The following LRRIQ3 variants were observed in gnomAD, a reference collection of about 807,000 sequenced individuals.
LRRIQ3 encodes the protein leucine-rich repeat and IQ domain-containing protein 3.
In LRRIQ3, 75 loss-of-function variants were observed where a neutral mutation model predicts 59.3. The ratio of observed to expected loss-of-function variants is 1.26; its 90% confidence interval spans 1.05 to 1.53. LRRIQ3 has a LOEUF of 1.53. Ranked by LOEUF, LRRIQ3 falls within the 40% of genes most tolerant of loss-of-function variation. The pLI is 0.00. For synonymous variants in LRRIQ3, 250 were observed against 231.3 expected (o/e 1.08, Z -0.73); for missense variants, 831 against 710.0 (o/e 1.17, Z -1.94).
intron 3 of LRRIQ3, among the ~76,000 whole-genome samples, chr1:74,156,143 G>A (rs1465542091): frequency 6.6e-6 from 1 of 152,066 alleles, no homozygotes; most frequent in Non-Finnish European, 1.5e-5. Context: ...CTTTGATGAT[G>A]AGTGAACTTC....
intron 6 of LRRIQ3, among the ~76,000 whole-genome samples, chr1:74,069,940 A>T (rs1331727170): frequency 6.6e-6 from 1 of 151,998 alleles, no homozygotes; most frequent in East Asian, 1.9e-4. Flanking sequence ...ATCTCGCATT[A>T]GTCAGAATGG....
chr1:74,145,048 C>A (rs1455994335), intron 4 of LRRIQ3, among the ~76,000 whole-genome samples: 1 of 152,040 alleles, frequency 6.6e-6, no homozygotes, highest in Non-Finnish European at 1.5e-5. Context: ...GATTAATGTA[C>A]ATTTAGTAGA....
chr1:74,132,411 A>T (rs2100613973), intron 4 of LRRIQ3, among the ~76,000 whole-genome samples: 1 of 152,304 alleles, frequency 6.6e-6, no homozygotes, highest in Admixed American at 6.5e-5. Flanking sequence ...TGCCAAGTCA[A>T]TGCTAAGCCA....
At chr1:74,127,094 A>G (rs1247343719) in intron 4 of LRRIQ3, among the ~76,000 whole-genome samples, 15 of 151,942 alleles carry the variant, frequency 9.9e-5, no homozygotes, top group Admixed American at 8.5e-4. Context: ...CCTCTGTACC[A>G]TTATATAATA....
rs148298235 is a variant in LRRIQ3, at chr1:74,092,589, C to T, written c.867+16805G>A. ...GTTACAGAAATTTTCAAACAAATACCGTAATTGAGTGTGTCTTAGATGTTA... is the reference window on the plus strand; with the variant it reads ...GTTACAGAAATTTTCAAACAAATACTGTAATTGAGTGTGTCTTAGATGTTA... On this transcript the variant is annotated intron_variant, in intron 5 of 7. Transcript: ENST00000354431. Among the ~76,000 whole-genome samples the T allele has an allele frequency of 4.6e-3, 692 of 151,848 alleles. 9 individuals are homozygous for T. The highest frequency in any genetic ancestry group is 0.016 in the African/African-American group (647 of 41,420).
chr1:74,091,515 G>A lies in LRRIQ3; in HGVS notation c.868-16725C>T, dbSNP rs190710670. 2.0e-5 allele frequency among the ~76,000 whole-genome samples: 3 copies of A among 152,036 alleles called. No individual in the cohort carries two copies. The East Asian group carries it at 5.8e-4, about 29-fold the overall frequency. On this transcript the variant is annotated intron_variant, in intron 5 of 7. Coordinates refer to ENST00000354431, the MANE Select transcript of LRRIQ3 (RefSeq NM_001105659.2). ...AAAGAACAAAAAATTAAAATTTATT[G>A]ATTAAACGTAGCTAACAAGAAAATT... is the stretch of plus-strand genomic sequence containing the variant.
At chr1:74,175,507 C>A (rs1240950898) in intron 3 of LRRIQ3, among the ~76,000 whole-genome samples, 1 of 152,102 alleles carries the variant, frequency 6.6e-6, no homozygotes, top group Non-Finnish European at 1.5e-5. Context: ...AAATGGGAGG[C>A]CAAAAAGATC....
rs571062087 is a variant in LRRIQ3 at position 74,084,395 on chromosome 1, G to C, written c.868-9605C>G. On this transcript the variant is annotated intron_variant, in intron 5 of 7. Transcript: ENST00000354431. ...ATCTTGGCTCTCCAAATGATAGCAAGAAACCTAAACATGTGAATTTTCACA... is the reference window on the plus strand; with the variant it reads ...ATCTTGGCTCTCCAAATGATAGCAACAAACCTAAACATGTGAATTTTCACA... Among the ~76,000 whole-genome samples the C allele has an allele frequency of 2.0e-5, 3 of 151,792 alleles. No homozygotes were observed. The South Asian group carries it at 6.2e-4, about 31-fold the overall frequency.
At position 74,155,800 on chromosome 1, in the gene LRRIQ3, C is replaced by A. The variant is rs1648286618; in HGVS notation, c.640G>T (p.Ala214Ser). 4.4e-6 allele frequency: 7 copies of A among 1,584,224 alleles called. No individual in the cohort carries two copies. The highest frequency in any genetic ancestry group is 6.0e-6 in the Non-Finnish European group (7 of 1,167,850). Residue 214 changes from alanine to serine, a missense_variant, in exon 4 of 8, where the codon GCT (alanine) becomes TCT (serine). By Grantham distance (99) the Ala-to-Ser change is moderately conservative. Transcript: ENST00000354431. ...HITSKINAIL[A>S]HNSPVLIVQR... Reference sequence around the variant, plus strand: ...ACAATCAAAACTGGTGAATTATGAGCCAGAATTGCATTAATTTTTGAAGTA... The same window carrying A: ...ACAATCAAAACTGGTGAATTATGAGACAGAATTGCATTAATTTTTGAAGTA...
In LRRIQ3 at chr1:74,029,765, A is replaced by G. The variant is rs558652932; in HGVS notation, c.1719-2796T>C. 3.8e-3 allele frequency among the ~76,000 whole-genome samples: 575 copies of G among 152,166 alleles called. 5 individuals are homozygous for G. Among genetic ancestry groups the G allele is most frequent in the African/African-American group, 0.013 (547 of 41,528 alleles). ...TTTCTATTGATTGGAATAATTTCGG[A>G]AGAAATGGTACCAGCTCCTTCTTGT... On this transcript the variant is annotated intron_variant, in intron 7 of 7. Transcript: ENST00000354431.
At chr1:74,110,702 T>C (rs1335277153) in intron 4 of LRRIQ3, among the ~76,000 whole-genome samples, 1 of 152,072 alleles carries the variant, frequency 6.6e-6, no homozygotes, top group Non-Finnish European at 1.5e-5. Context: ...TTCTCACTTC[T>C]AAGATGTTTT....
intron 7 of LRRIQ3, among the ~76,000 whole-genome samples, chr1:74,034,347 TA>T (rs1653806460): frequency 6.6e-6 from 1 of 152,026 alleles, no homozygotes; most frequent in Non-Finnish European, 1.5e-5. Flanking sequence ...ACTACTCGCA[TA>T]ACCAAAACAT....
chr1:74,085,323 CAAAAAAAA>C (rs61216155), intron 5 of LRRIQ3, among the ~76,000 whole-genome samples: 1 of 121,614 alleles, frequency 8.2e-6, no homozygotes, highest in Admixed American at 8.3e-5. Flanking sequence ...TACATGGTGG[CAAAAAAAA>C]AAAAAAAAAT....
intron 6 of LRRIQ3, among the ~76,000 whole-genome samples, chr1:74,056,555 T>C (rs760509610): frequency 6.6e-6 from 1 of 152,126 alleles, no homozygotes; most frequent in Non-Finnish European, 1.5e-5. Flanking sequence ...AAATCAGTAG[T>C]GTTTTAATAC....
At position 74,041,926 on chromosome 1, in the gene LRRIQ3, C is replaced by A; in HGVS notation, c.1005G>T (p.Glu335Asp). 1.3e-6 allele frequency: 2 copies of A among 1,596,236 alleles called. No individual in the cohort carries two copies. Among genetic ancestry groups the A allele is most frequent in the Non-Finnish European group, 8.5e-7 (1 of 1,172,064 alleles). The stretch of plus-strand genomic sequence containing the variant: ...TTTCATCCACAATTTCATCTTCAGA[C>A]TCCTGACCTACATCAAACAGAAGCA... The part of the protein sequence containing the change: ...TSRHLIQKGQ[E>D]SEDEIVDEKL... The change falls in exon 7 of 8, where the codon GAG (glutamate) becomes GAT (aspartate). Residue 335 changes from glutamate (E) to aspartate (D), a missense_variant. Transcript: ENST00000354431.
Position 74,026,882 on chromosome 1 carries a change from A to G in LRRIQ3, c.1806T>C (p.Asp602=), listed in dbSNP as rs1569984932. The part of the protein sequence containing the change: ...AFEKACERLQ[D]AKTKVAIVKT... ...TCACAATTGCTACTTTTGTTTTAGC[A>G]TCTTGAAGTCTTTCACAGGCTTTTT... The change falls in exon 8 of 8, where the codon GAT becomes GAC. Residue 602 remains aspartate, a synonymous_variant. Transcript: ENST00000354431. 6.2e-7 allele frequency: 1 copy of G among 1,608,228 alleles called. No homozygotes were observed. The highest frequency in any genetic ancestry group is 8.5e-7 in the Non-Finnish European group (1 of 1,176,954).
intron 4 of LRRIQ3, among the ~76,000 whole-genome samples, chr1:74,148,984 C>T (rs74646650): frequency 0.021 from 3,221 of 152,116 alleles, 112 homozygotes; most frequent in African/African-American, 0.073. Context: ...CTCTTTTAGT[C>T]GGTTAATATA....
intron 4 of LRRIQ3, among the ~76,000 whole-genome samples, chr1:74,112,085 TG>T (rs1646703835): frequency 6.6e-6 from 1 of 152,034 alleles, no homozygotes; most frequent in African/African-American, 2.4e-5. Flanking sequence ...CTGAGACAGG[TG>T]AGGCAAGTTG....
At chr1:74,190,400 T>C (rs925192895) in intron 1 of LRRIQ3, among the ~76,000 whole-genome samples, 4 of 151,668 alleles carry the variant, frequency 2.6e-5, no homozygotes, top group African/African-American at 7.3e-5. Context: ...CATTAGTAGA[T>C]GGGACATGAC....
Sources: allele counts gnomAD v4.1 joint callset (sites outside exome capture counted in the v4.1 genomes callset), GRCh38; gene constraint gnomAD v4.1.1; transcripts MANE v1.5; gene names NCBI Gene and HGNC (gene_info 2026-07-23, HGNC 2026-07-21).